The following DLG2 variants were observed in gnomAD, a reference collection of about 807,000 sequenced individuals.
DLG2 encodes the protein disks large homolog 2.
DLG2 carries 45 observed loss-of-function variants against 132.5 expected under a neutral mutation model. The ratio of observed to expected loss-of-function variants is 0.34; its 90% CI spans 0.27 to 0.44. The LOEUF (loss-of-function observed/expected upper bound fraction) is 0.44, where lower values mean the gene tolerates loss of function less well. Among genes scored for constraint, DLG2 ranks in the 20% least tolerant of loss-of-function variants. The pLI, the probability that DLG2 is intolerant of heterozygous loss-of-function variation, is 1.00. For missense variants in DLG2, 1,045 were observed against 1,196.9 expected, an observed-to-expected ratio of 0.87 and a Z score of 1.87; for synonymous variants, 424 against 419.6, an observed-to-expected ratio of 1.01 and a Z score of -0.13.
chr11:84,876,160 C>T (rs2086312992), intron 6 of DLG2, among the ~76,000 whole-genome samples: 1 of 152,204 alleles, frequency 6.6e-6, no homozygotes, highest in Non-Finnish European at 1.5e-5. Context: ...CCCAAGAACG[C>T]ACAGCTAATC....
intron 6 of DLG2, among the ~76,000 whole-genome samples, chr11:84,782,452 AC>A (rs2071987993): frequency 6.6e-6 from 1 of 151,170 alleles, no homozygotes; most frequent in Non-Finnish European, 1.5e-5. Flanking sequence ...ACACACACAC[AC>A]ACACACACAC....
chr11:84,308,102 G>C (rs913644678), intron 7 of DLG2, among the ~76,000 whole-genome samples: 3 of 152,158 alleles, frequency 2.0e-5, no homozygotes, highest in African/African-American at 7.2e-5. Context: ...TGCTGGCTCT[G>C]GGAGCAGCCT....
chr11:85,092,372 C>T (rs747164014), intron 6 of DLG2, among the ~76,000 whole-genome samples: 1 of 151,990 alleles, frequency 6.6e-6, no homozygotes, highest in Non-Finnish European at 1.5e-5. Context: ...TCCTGATAAC[C>T]ACAATCCTAA....
intron 10 of DLG2, among the ~76,000 whole-genome samples, chr11:84,061,149 G>A (rs1331853959): frequency 6.6e-6 from 1 of 151,972 alleles, no homozygotes; most frequent in South Asian, 2.1e-4. Context: ...TCAATGATTG[G>A]GCCCTCCATT....
At chr11:84,832,895 T>C (rs1337843597) in intron 6 of DLG2, among the ~76,000 whole-genome samples, 1 of 151,530 alleles carries the variant, frequency 6.6e-6, no homozygotes, top group Non-Finnish European at 1.5e-5. Flanking sequence ...GCTCAGCAAC[T>C]TCCACCAGCT....
chr11:85,120,770 T>C (rs1468933820), intron 5 of DLG2, among the ~76,000 whole-genome samples: 2 of 152,052 alleles, frequency 1.3e-5, no homozygotes, highest in Admixed American at 6.6e-5. Flanking sequence ...ATTTATGTCT[T>C]GAAATTTGAC....
At chr11:85,110,688 G>T (rs2072583543) in intron 6 of DLG2, among the ~76,000 whole-genome samples, 1 of 152,018 alleles carries the variant, frequency 6.6e-6, no homozygotes. Flanking sequence ...TACACAATCT[G>T]AGTGAAAATC....
chr11:85,465,404 A>G (rs2092754895), intron 3 of DLG2, among the ~76,000 whole-genome samples: 1 of 152,028 alleles, frequency 6.6e-6, no homozygotes, highest in Non-Finnish European at 1.5e-5. Context: ...TGCTGCACCC[A>G]GTAACTCGTC....
intron 6 of DLG2, among the ~76,000 whole-genome samples, chr11:84,817,523 G>C (rs960579924): frequency 2.6e-5 from 4 of 151,926 alleles, no homozygotes; most frequent in African/African-American, 9.7e-5. Context: ...GTTTTAGAGA[G>C]AACATCTATA....
rs553991856 is a variant in DLG2, at chr11:85,306,154, A to G, written c.41-20789T>C. ...TTATATAGAGAATGATGCCTGACAC[A>G]TAATAGAAGTTCATTAAATGTCAGT... On this transcript the variant is annotated intron_variant, in intron 3 of 27. Transcript: ENST00000376104. Among the ~76,000 whole-genome samples the G allele has an allele frequency of 3.9e-5, 6 of 152,362 alleles. No homozygotes were observed. The South Asian group carries it at 1.2e-3, about 32-fold the overall frequency.
intron 6 of DLG2, among the ~76,000 whole-genome samples, chr11:85,034,926 A>G (rs1044319982): frequency 6.6e-6 from 1 of 152,154 alleles, no homozygotes; most frequent in Non-Finnish European, 1.5e-5. Context: ...CTGCATTTGA[A>G]TTAAGGTAAA....
intron 6 of DLG2, among the ~76,000 whole-genome samples, chr11:85,092,622 A>G (rs2068968572): frequency 6.6e-6 from 1 of 151,194 alleles, no homozygotes; most frequent in Non-Finnish European, 1.5e-5. Context: ...GCAAGCGTAT[A>G]TATTTATTGA....
intron 8 of DLG2, among the ~76,000 whole-genome samples, chr11:84,207,625 C>T (rs1191708532): frequency 6.6e-6 from 1 of 152,110 alleles, no homozygotes; most frequent in East Asian, 1.9e-4. Flanking sequence ...TCACATCATA[C>T]ACAACAAGTA....
chr11:83,590,910 C>G (rs200123133), intron 19 of DLG2, among the ~76,000 whole-genome samples: 4 of 149,198 alleles, frequency 2.7e-5, no homozygotes, highest in Admixed American at 1.3e-4. Context: ...ATAAATTCCT[C>G]GACACATACA....
intron 16 of DLG2, among the ~76,000 whole-genome samples, chr11:83,843,319 A>C (rs2058007307): frequency 6.6e-6 from 1 of 152,140 alleles, no homozygotes; most frequent in Non-Finnish European, 1.5e-5. Context: ...ACGAGGTCCT[A>C]CTTGGCCTTT....
intron 7 of DLG2, among the ~76,000 whole-genome samples, chr11:84,267,850 G>C (rs1373880528): frequency 1.3e-5 from 2 of 152,186 alleles, no homozygotes; most frequent in Admixed American, 6.5e-5. Context: ...TGTAGGTCAG[G>C]CCACACATAG....
At chr11:84,352,781 G>C (rs965245643) in intron 7 of DLG2, among the ~76,000 whole-genome samples, 35 of 152,196 alleles carry the variant, frequency 2.3e-4, no homozygotes, top group African/African-American at 8.0e-4. Context: ...AACAGACAAT[G>C]TGGAACTTTA....
chr11:84,906,268 T>A (rs1289193796), intron 6 of DLG2, among the ~76,000 whole-genome samples: 1 of 148,090 alleles, frequency 6.8e-6, no homozygotes, highest in African/African-American at 2.5e-5. Context: ...CCCTAAAAAA[T>A]TAACTTTTAA....
intron 19 of DLG2, among the ~76,000 whole-genome samples, chr11:83,542,477 A>ATG (rs1482829570): frequency 6.6e-6 from 1 of 152,204 alleles, no homozygotes; most frequent in Non-Finnish European, 1.5e-5. Flanking sequence ...ATCTATGCGT[A>ATG]TGTGTGTGTA....
Sources: gnomAD v4.1 joint callset for allele counts (sites outside exome capture counted in the v4.1 genomes callset) on GRCh38, gnomAD v4.1.1 for gene constraint, MANE v1.5 for transcripts, NCBI Gene and HGNC (gene_info 2026-07-23, HGNC 2026-07-21) for gene names.